KAZN: variants seen among roughly 807,000 people sequenced by gnomAD.
KAZN encodes kazrin, periplakin interacting protein.
KAZN carries 40 observed loss-of-function variants against 87.4 expected under a neutral mutation model. That is an observed-to-expected ratio of 0.46 (90% CI 0.36 to 0.60). KAZN has a LOEUF of 0.60. Among genes scored for constraint, KAZN ranks in the 20% least tolerant of loss-of-function variants. The pLI is 0.00. For synonymous variants in KAZN, 466 were observed against 458.3 expected (o/e 1.02, Z -0.22); for missense variants, 898 against 1,073.9 (o/e 0.84, Z 2.29).
intron 1 of KAZN, among the ~76,000 whole-genome samples, chr1:14,114,155 G>A (rs1644559098): frequency 6.6e-6 from 1 of 152,228 alleles, no homozygotes. Flanking sequence ...TGCATGGGAA[G>A]CATCCCTGGA....
intron 1 of KAZN, among the ~76,000 whole-genome samples, chr1:13,943,801 TC>T (rs1372688143): frequency 6.6e-6 from 1 of 152,176 alleles, no homozygotes; most frequent in South Asian, 2.1e-4. Context: ...ACAGCATTAG[TC>T]CTTAGGGAAA....
At chr1:14,935,217 C>T (rs1660311067) in intron 1 of KAZN, among the ~76,000 whole-genome samples, 1 of 152,230 alleles carries the variant, frequency 6.6e-6, no homozygotes, top group Non-Finnish European at 1.5e-5. Context: ...CTCCCTCCCA[C>T]CAGGGTACAG....
chr1:14,578,935 T>C (rs919009945), intron 2 of KAZN, among the ~76,000 whole-genome samples: 5 of 152,218 alleles, frequency 3.3e-5, no homozygotes, highest in Non-Finnish European at 7.3e-5. Context: ...ATATACTTCT[T>C]GAAGCTGAGG....
intron 1 of KAZN, among the ~76,000 whole-genome samples, chr1:14,617,414 C>G (rs930835378): frequency 2.3e-4 from 35 of 152,064 alleles, no homozygotes; most frequent in African/African-American, 8.5e-4. Context: ...TACAGAGACA[C>G]GAAGCCAGAA....
chr1:14,250,721 C>G (rs1649949844), intron 2 of KAZN, among the ~76,000 whole-genome samples: 1 of 151,914 alleles, frequency 6.6e-6, no homozygotes, highest in Admixed American at 6.6e-5. Flanking sequence ...ATATTTCCTG[C>G]TTTTTAACAA....
chr1:14,614,314 AG>A (rs1480869662), intron 1 of KAZN, among the ~76,000 whole-genome samples: 1 of 152,240 alleles, frequency 6.6e-6, no homozygotes, highest in Non-Finnish European at 1.5e-5. Context: ...CTCTCTTTAT[AG>A]TAAGCCTTCC....
chr1:13,935,841 G>A (rs936871218), intron 1 of KAZN, among the ~76,000 whole-genome samples: 2 of 147,754 alleles, frequency 1.4e-5, no homozygotes, highest in Non-Finnish European at 3.0e-5. Context: ...CTAGAATGTG[G>A]ATAATTACTT....
At chr1:13,910,027 G>C (rs1479053847) in intron 1 of KAZN, among the ~76,000 whole-genome samples, 1 of 152,226 alleles carries the variant, frequency 6.6e-6, no homozygotes, top group African/African-American at 2.4e-5. Flanking sequence ...GATACTTTCA[G>C]TGGGGTCTGG....
intron 1 of KAZN, among the ~76,000 whole-genome samples, chr1:14,712,337 G>A (rs1257891327): frequency 6.6e-6 from 1 of 152,186 alleles, no homozygotes; most frequent in Non-Finnish European, 1.5e-5. Context: ...GCCAGGGAGA[G>A]GGAGATAGCA....
intron 1 of KAZN, among the ~76,000 whole-genome samples, chr1:14,954,578 G>A (rs1249419205): frequency 2.6e-5 from 4 of 152,196 alleles, no homozygotes; most frequent in African/African-American, 7.2e-5. Flanking sequence ...TGCACTGTCC[G>A]GTACCCTAGC....
At chr1:14,982,334 G>A (rs555752589) in intron 2 of KAZN, among the ~76,000 whole-genome samples, 5 of 152,256 alleles carry the variant, frequency 3.3e-5, no homozygotes, top group South Asian at 4.1e-4. Context: ...GGATGTGGGC[G>A]GGCTTGGGCA....
chr1:13,907,173 T>A (rs530422014), intron 1 of KAZN, among the ~76,000 whole-genome samples: 1 of 152,320 alleles, frequency 6.6e-6, no homozygotes, highest in South Asian at 2.1e-4. Flanking sequence ...GGATTTCCCC[T>A]GAGAAGGTAT....
At chr1:14,652,697 C>T in intron 1 of KAZN, among the ~76,000 whole-genome samples, 1 of 125,842 alleles carries the variant, frequency 7.9e-6, no homozygotes, top group African/African-American at 3.0e-5. Flanking sequence ...ATCCATCTAC[C>T]TATCCATGCA....
At chr1:14,055,041 G>A (rs1642492734) in intron 1 of KAZN, among the ~76,000 whole-genome samples, 1 of 152,146 alleles carries the variant, frequency 6.6e-6, no homozygotes, top group Admixed American at 6.5e-5. Context: ...GATATCAGTG[G>A]TCCTTATCTT....
chr1:14,917,889 T>A (rs1455179902), intron 1 of KAZN, among the ~76,000 whole-genome samples: 4 of 152,042 alleles, frequency 2.6e-5, no homozygotes, highest in Admixed American at 1.3e-4. Context: ...TTTCTTTCTT[T>A]CTTTTTTGAG....
At chr1:14,417,978 AGAGT>A (rs1376288065) in intron 2 of KAZN, among the ~76,000 whole-genome samples, 1 of 124,114 alleles carries the variant, frequency 8.1e-6, no homozygotes, top group Non-Finnish European at 1.6e-5. Flanking sequence ...GCTGGGCGAC[AGAGT>A]GAGACTGCCT....
intron 2 of KAZN, among the ~76,000 whole-genome samples, chr1:14,425,616 C>T (rs1347731791): frequency 6.6e-6 from 1 of 152,182 alleles, no homozygotes; most frequent in Admixed American, 6.5e-5. Context: ...CTAATTAATT[C>T]ATCCATGGAC....
At chr1:14,818,823 G>C (rs1646651964) in intron 1 of KAZN, among the ~76,000 whole-genome samples, 1 of 152,302 alleles carries the variant, frequency 6.6e-6, no homozygotes, top group Admixed American at 6.5e-5. Flanking sequence ...GGGAGGCCGA[G>C]GCAGGTGGAT....
In KAZN at chr1:15,021,554, G is replaced by C. The variant is rs1350341748; in HGVS notation, c.419-13195G>C. Among the ~76,000 whole-genome samples, 2 of 152,156 alleles carry C rather than the reference G, an allele frequency of 1.3e-5. No homozygotes were observed. Among genetic ancestry groups the C allele is most frequent in the African/African-American group, 2.4e-5 (1 of 41,450 alleles). ...TCCTGTCTCCCTCGGGGAGGAGCAG[G>C]CAGTGGGGGCCTGCTTCCCGGGGCC... On this transcript the variant is annotated intron_variant, in intron 2 of 14. Transcript: ENST00000376030. This position sits in a 1 kb window ranked among gnomAD's most constrained non-coding sequence, Gnocchi z 4.2.
Sources: gnomAD v4.1 joint callset for allele counts (sites outside exome capture counted in the v4.1 genomes callset) on GRCh38, gnomAD v4.1.1 for gene constraint, Gnocchi (gnomAD v3.1) non-coding constraint, MANE v1.5 for transcripts, NCBI Gene and HGNC (gene_info 2026-07-23, HGNC 2026-07-21) for gene names.